Variants in RBPJ observed in about 807,000 individuals in gnomAD.
RBPJ encodes recombining binding protein suppressor of hairless.
RBPJ carries 9 observed loss-of-function variants against 67.8 expected under a neutral mutation model. The observed-to-expected ratio is 0.13, with a 90% CI of 0.08 to 0.23. The LOEUF is 0.23. RBPJ is among the 10% of genes least tolerant of loss of function. The pLI is 1.00. For missense variants in RBPJ, 305 were observed against 595.6 expected (o/e 0.51, Z 5.08); for synonymous variants, 198 against 203.3 (o/e 0.97, Z 0.22).
upstream of RBPJ, among the ~76,000 whole-genome samples, chr4:26,319,507 G>C (rs1326384033): frequency 2.5e-5 from 3 of 121,444 alleles, no homozygotes; most frequent in Admixed American, 8.9e-5. Context: ...CCCGCCTCCC[G>C]GGCACGCGCT....
intron 1 of RBPJ, among the ~76,000 whole-genome samples, chr4:26,170,714 A>G (rs1716546557): frequency 6.6e-6 from 1 of 152,194 alleles, no homozygotes; most frequent in South Asian, 2.1e-4. Context: ...AATTTATGCG[A>G]CCTTAAGAAA....
chr4:26,158,181 C>T, the RBPJ span, among the ~76,000 whole-genome samples: 5 of 152,152 alleles, frequency 3.3e-5, no homozygotes, highest in South Asian at 1.0e-3. Flanking sequence ...GGTGTAGGCT[C>T]CCAGCAGCCC....
chr4:26,272,710 G>A, intron 1 of RBPJ: 1 of 454,186 alleles, frequency 2.2e-6, no homozygotes, highest in South Asian at 1.6e-5. Flanking sequence ...TTAAAAATAG[G>A]GCTTACTTTT....
At chr4:26,429,477 C>T (rs1387193399) in intron 8 of RBPJ, among the ~76,000 whole-genome samples, 1 of 152,164 alleles carries the variant, frequency 6.6e-6, no homozygotes. Context: ...CATCTTGATT[C>T]CCTCCCATGG....
intron 2 of RBPJ, among the ~76,000 whole-genome samples, chr4:26,395,720 G>T (rs1431284388): frequency 6.6e-6 from 1 of 152,156 alleles, no homozygotes; most frequent in Non-Finnish European, 1.5e-5. Flanking sequence ...GTGCAGAACT[G>T]TGAGCCCAAT....
Position 26,406,279 on chromosome 4 carries a change from A to G in RBPJ, c.155+9A>G. ...TATGGAAATGAAAAAAGGTAAGATT[A>G]TTTTTCTGGTGGATAGTTAATTGTA... is the stretch of plus-strand genomic sequence containing the variant. On this transcript the variant is annotated intron_variant, in intron 3 of 10. Coordinates refer to ENST00000355476, the MANE Select transcript of RBPJ (RefSeq NM_015874.6). 6.5e-7 allele frequency: 1 copy of G among 1,548,116 alleles called. No homozygotes were observed. The highest frequency in any genetic ancestry group is 1.1e-5 in the South Asian group (1 of 89,624).
upstream of RBPJ, chr4:26,320,774 C>T (rs1288844974): frequency 6.4e-7 from 1 of 1,554,726 alleles, no homozygotes; most frequent in East Asian, 2.4e-5. Flanking sequence ...ACACGGAGGG[C>T]TCGCCCGCGG....
intron 2 of RBPJ, among the ~76,000 whole-genome samples, chr4:26,399,360 T>C (rs1050709309): frequency 1.3e-5 from 2 of 152,226 alleles, no homozygotes. Context: ...TGAAGTTCTC[T>C]TTTACCTTTA....
At chr4:26,351,155 A>G (rs981061090) in intron 1 of RBPJ, among the ~76,000 whole-genome samples, 1 of 152,136 alleles carries the variant, frequency 6.6e-6, no homozygotes, top group Non-Finnish European at 1.5e-5. Context: ...ATGCTTAATT[A>G]CTATGCTAAC....
chr4:26,229,292 G>A (rs1459814052), intron 1 of RBPJ, among the ~76,000 whole-genome samples: 1 of 152,230 alleles, frequency 6.6e-6, no homozygotes, highest in East Asian at 1.9e-4. Context: ...AATAAAGATA[G>A]CTGAGGGAAA....
rs1474820989 is a variant in RBPJ, at chr4:26,415,614, A to T, written c.295A>T (p.Met99Leu). 6.2e-7 allele frequency: 1 copy of T among 1,610,322 alleles called. No homozygotes were observed. The highest frequency in any genetic ancestry group is 2.2e-5 in the East Asian group (1 of 44,814). ...FIGIGNSDQE[M>L]QQLNLEGKNY... ...TGGGATAGGAAATAGTGACCAAGAA[A>T]TGCAGCAGCTAAACTTGGAAGGAAA... The change falls in exon 4 of 11, where the codon ATG becomes TTG. Residue 99 changes from methionine (M) to leucine (L), a missense_variant. By Grantham distance (15) the Met-to-Leu change is conservative. Around this residue, in one of 7 missense-constraint regions of RBPJ, gnomAD observed 79 missense variants for 106.2 expected, o/e 0.74. Coordinates refer to ENST00000355476, the MANE Select transcript of RBPJ (RefSeq NM_015874.6).
chr4:26,335,688 C>T lies in RBPJ; in HGVS notation c.20+14640C>T, dbSNP rs545272483. Among the ~76,000 whole-genome samples the T allele has an allele frequency of 6.2e-5, 9 of 145,906 alleles. No individual in the cohort carries two copies. In the East Asian group the frequency reaches 1.4e-3, roughly 23 times the overall value. ...ATGCTGGAGTGCAGTGCTACGATCT[C>T]GGCTCACTGCAGCCTCCACCTCCTG... On this transcript the variant is annotated intron_variant, in intron 1 of 10. Coordinates refer to ENST00000355476, the MANE Select transcript of RBPJ (RefSeq NM_015874.6).
At chr4:26,285,953 T>A (rs911317689) in intron 1 of RBPJ, among the ~76,000 whole-genome samples, 3 of 152,024 alleles carry the variant, frequency 2.0e-5, no homozygotes, top group Non-Finnish European at 2.9e-5. Context: ...CTACAAAAAA[T>A]TATTTTTAAA....
the RBPJ span, among the ~76,000 whole-genome samples, chr4:26,108,357 G>A: frequency 6.6e-6 from 1 of 152,224 alleles, no homozygotes. Context: ...CTGGAAGGCT[G>A]AGAATCAGTG....
intron 3 of RBPJ, chr4:26,410,003 G>T: frequency 2.2e-6 from 1 of 453,272 alleles, no homozygotes; most frequent in South Asian, 1.6e-5. Context: ...ATGATAAAGG[G>T]GAAACCCATT....
chr4:26,335,449 G>A (rs1724713315), intron 1 of RBPJ, among the ~76,000 whole-genome samples: 1 of 151,676 alleles, frequency 6.6e-6, no homozygotes, highest in African/African-American at 2.4e-5. Flanking sequence ...CAAAGTGCTG[G>A]GATTACAGGC....
the RBPJ span, among the ~76,000 whole-genome samples, chr4:26,152,175 G>A: frequency 6.6e-6 from 1 of 152,202 alleles, no homozygotes; most frequent in East Asian, 1.9e-4. Context: ...CACTCTGGAG[G>A]AATACTATCC....
chr4:26,374,028 C>T (rs867676472), intron 1 of RBPJ, among the ~76,000 whole-genome samples: 2 of 149,146 alleles, frequency 1.3e-5, no homozygotes, highest in Non-Finnish European at 3.0e-5. Context: ...AAGCGTTTCT[C>T]CTGCCTCAGC....
rs1039849637 is a variant in RBPJ, at chr4:26,229,565, G to A, written c.-167+65951G>A. Among the ~76,000 whole-genome samples, 8 of 152,172 alleles carry A rather than the reference G, an allele frequency of 5.3e-5. No homozygotes were observed. The East Asian group carries it at 5.8e-4, about 11-fold the overall frequency. On this transcript the variant is annotated intron_variant, in intron 1 of 4. Transcript: ENST00000512351. ...CCATTCTTACTCCATGCATAGAAGCGTTCCCCTCACTGAGAGGCAGAATAA... is the reference window on the plus strand; with the variant it reads ...CCATTCTTACTCCATGCATAGAAGCATTCCCCTCACTGAGAGGCAGAATAA...
Sources: gnomAD v4.1 joint callset for allele counts (sites outside exome capture counted in the v4.1 genomes callset) on GRCh38, gnomAD v4.1.1 for gene constraint, gnomAD v4.1.1 regional missense constraint, MANE v1.5 for transcripts, NCBI Gene and HGNC (gene_info 2026-07-23, HGNC 2026-07-21) for gene names.